Variants in SYNPR observed in about 807,000 individuals in gnomAD.
SYNPR encodes the protein synaptoporin.
Under a neutral mutation model 32.9 loss-of-function variants are expected in SYNPR, and 23 were observed. The ratio of observed to expected loss-of-function variants is 0.70; its 90% CI spans 0.50 to 0.99. The LOEUF is 0.99. Among genes scored for constraint, SYNPR ranks in the 50% least tolerant of loss-of-function variants. The probability of loss-of-function intolerance (pLI) is 0.00; values close to 1 mark genes in which losing one functional copy is unlikely to be tolerated. For missense variants in SYNPR, 318 were observed against 349.3 expected (o/e 0.91, Z 0.71); for synonymous variants, 146 against 135.9 (o/e 1.07, Z -0.52).
chr3:63,397,456 T>C (rs111512635), intron 2 of SYNPR, among the ~76,000 whole-genome samples: 22 of 152,228 alleles, frequency 1.4e-4, no homozygotes, highest in African/African-American at 5.1e-4. Flanking sequence ...CTTTCACTTA[T>C]TCCCTTACTT....
At chr3:63,275,051 C>A (rs1308244295), upstream of SYNPR, among the ~76,000 whole-genome samples, 2 of 152,162 alleles carry the variant, frequency 1.3e-5, no homozygotes, top group East Asian at 3.9e-4. Context: ...TCAACACTGG[C>A]CACTAAAATG....
At chr3:63,512,280 G>A (rs369650075) in intron 3 of SYNPR, among the ~76,000 whole-genome samples, 1 of 152,058 alleles carries the variant, frequency 6.6e-6, no homozygotes. Flanking sequence ...CCCAACCTCA[G>A]TGGGCTTTCT....
At position 63,441,554 on chromosome 3, in the gene SYNPR, T is replaced by TC. The variant is rs565261210; in HGVS notation, c.85-39277dup. 2.6e-3 allele frequency among the ~76,000 whole-genome samples: 394 copies of TC among 152,316 alleles called. 3 individuals are homozygous for TC. The highest frequency in any genetic ancestry group is 8.9e-3 in the African/African-American group (369 of 41,582). ...TATTCTGTAAATGTTTACTGAGTGC[T>TC]CACTTAAATGCCGGGTGATTCTAAG... is the stretch of plus-strand genomic sequence containing the variant. On this transcript the variant is annotated intron_variant, in intron 2 of 5. Coordinates refer to ENST00000478300, the MANE Select transcript of SYNPR (RefSeq NM_001130003.2).
At chr3:63,250,780 T>C (rs923620760) in intron 1 of SYNPR, among the ~76,000 whole-genome samples, 1 of 152,184 alleles carries the variant, frequency 6.6e-6, no homozygotes, top group East Asian at 1.9e-4. Context: ...GAGTTCACGT[T>C]AACCATGATG....
chr3:63,382,429 A>G (rs997091198), intron 2 of SYNPR, among the ~76,000 whole-genome samples: 4 of 152,232 alleles, frequency 2.6e-5, no homozygotes, highest in Admixed American at 6.5e-5. Context: ...CACAGATAGA[A>G]GTAAGGCCAC....
intron 4 of SYNPR, among the ~76,000 whole-genome samples, chr3:63,586,792 G>A (rs1703192719): frequency 6.6e-6 from 1 of 151,606 alleles, no homozygotes; most frequent in African/African-American, 2.4e-5. Context: ...TATGCGCAAG[G>A]ACCTCACAGT....
At chr3:63,591,990 G>A (rs1011579421) in intron 4 of SYNPR, among the ~76,000 whole-genome samples, 6 of 151,948 alleles carry the variant, frequency 3.9e-5, no homozygotes, top group African/African-American at 1.4e-4. Flanking sequence ...TTGAAACAGG[G>A]GTCTTTGCAG....
chr3:63,509,642 T>G (rs1701657311), intron 3 of SYNPR, among the ~76,000 whole-genome samples: 1 of 151,976 alleles, frequency 6.6e-6, no homozygotes, highest in Non-Finnish European at 1.5e-5. Context: ...AAAGAAAAAT[T>G]GTCAGTTCAT....
intron 4 of SYNPR, among the ~76,000 whole-genome samples, chr3:63,579,987 T>C (rs1703061376): frequency 6.6e-6 from 1 of 152,140 alleles, no homozygotes; most frequent in Non-Finnish European, 1.5e-5. Flanking sequence ...AAAGATTTTC[T>C]CATTCATGCT....
At chr3:63,601,299 T>C (rs1700038094) in intron 4 of SYNPR, among the ~76,000 whole-genome samples, 1 of 151,604 alleles carries the variant, frequency 6.6e-6, no homozygotes, top group African/African-American at 2.4e-5. Flanking sequence ...AAAGAAAACC[T>C]GTTGTGAGGT....
chr3:63,330,480 C>T (rs1017721433), intron 2 of SYNPR, among the ~76,000 whole-genome samples: 2 of 151,870 alleles, frequency 1.3e-5, no homozygotes, highest in African/African-American at 4.8e-5. Context: ...AGAGTCTCAC[C>T]TCATGCAGCC....
intron 2 of SYNPR, among the ~76,000 whole-genome samples, chr3:63,348,179 C>T (rs143238267): frequency 6.6e-6 from 1 of 152,050 alleles, no homozygotes; most frequent in East Asian, 1.9e-4. Context: ...TTTCCATGTC[C>T]TAACCAACAT....
chr3:63,556,922 C>T (rs1702605207), intron 4 of SYNPR, among the ~76,000 whole-genome samples, 181 bp downstream of exon 4: 1 of 152,136 alleles, frequency 6.6e-6, no homozygotes, highest in Non-Finnish European at 1.5e-5. Flanking sequence ...CTCTTGTGCT[C>T]CTGGGCTGGG....
At chr3:63,382,396 G>A (rs372980195) in intron 2 of SYNPR, among the ~76,000 whole-genome samples, 1 of 152,240 alleles carries the variant, frequency 6.6e-6, no homozygotes, top group African/African-American at 2.4e-5. Flanking sequence ...GGAAGCCTGG[G>A]TTTCCCACTT....
intron 2 of SYNPR, among the ~76,000 whole-genome samples, chr3:63,453,112 A>G (rs1209677625): frequency 1.3e-5 from 2 of 152,146 alleles, no homozygotes; most frequent in African/African-American, 4.8e-5. Flanking sequence ...CTACGTTTTA[A>G]TGATCTCCAG....
rs187459089 is a variant in SYNPR, at chr3:63,347,509, A to G, written c.84+68767A>G. On this transcript the variant is annotated intron_variant, in intron 2 of 5. Transcript: ENST00000478300. ...AAAAACATTTGTATAAATTTAAGGT[A>G]TACAAGTACAGTTTTGTTACATGGA... Among the ~76,000 whole-genome samples the G allele has an allele frequency of 2.0e-5, 3 of 152,336 alleles. No homozygotes were observed. The East Asian group carries it at 5.8e-4, about 29-fold the overall frequency.
chr3:63,595,217 C>T (rs1699912759), intron 4 of SYNPR, among the ~76,000 whole-genome samples: 1 of 152,154 alleles, frequency 6.6e-6, no homozygotes, highest in African/African-American at 2.4e-5. Flanking sequence ...ACTCACATGC[C>T]AAGCTCCTTG....
At chr3:63,209,716 C>T in the SYNPR span, among the ~76,000 whole-genome samples, 2 of 152,158 alleles carry the variant, frequency 1.3e-5, no homozygotes, top group African/African-American at 2.4e-5. Context: ...TGGGTTCAAG[C>T]ATAATTTCTT....
At chr3:63,348,930 T>A (rs2087471550) in intron 2 of SYNPR, among the ~76,000 whole-genome samples, 1 of 152,228 alleles carries the variant, frequency 6.6e-6, no homozygotes, top group Non-Finnish European at 1.5e-5. Flanking sequence ...TAGTATAATT[T>A]GAGGTCAGCT....
Sources: allele counts gnomAD v4.1 joint callset (sites outside exome capture counted in the v4.1 genomes callset), GRCh38; gene constraint gnomAD v4.1.1; transcripts MANE v1.5; gene names NCBI Gene and HGNC (gene_info 2026-07-23, HGNC 2026-07-21).